RERE: variants seen among roughly 807,000 people sequenced by gnomAD.
RERE encodes arginine-glutamic acid dipeptide repeats protein.
A neutral mutation model predicts 146.1 loss-of-function variants in RERE; 40 were observed. That is an observed-to-expected ratio of 0.27 (90% CI 0.21 to 0.36). The LOEUF (loss-of-function observed/expected upper bound fraction) is 0.36. Ranked by LOEUF, RERE falls within the 10% of genes least tolerant of loss-of-function variation. The pLI, the probability that RERE is intolerant of heterozygous loss-of-function variation, is 1.00. For synonymous variants in RERE, 1,003 were observed against 866.0 expected (o/e 1.16, Z -2.78); for missense variants, 1,933 against 2,138.7 (o/e 0.90, Z 1.90).
chr1:8,641,693 T>G (rs17032724), intron 2 of RERE, among the ~76,000 whole-genome samples: 4,205 of 152,306 alleles, frequency 0.028, 176 homozygotes, highest in African/African-American at 0.095. Context: ...GCTGTCAGCT[T>G]GCTTTTACAA....
rs775442315 is a variant in RERE, at chr1:8,556,472, T to C, written c.725+3A>G. On this transcript the variant is annotated splice_donor_region_variant and intron_variant, in intron 6 of 22. Coordinates refer to ENST00000400908, the MANE Select transcript of RERE (RefSeq NM_001042681.2). ...CATGGAAGAGCACGTCTCCAGTACT[T>C]ACCTAAGGGCAGCAGCATGGTAAGT... is the stretch of plus-strand genomic sequence containing the variant. 10 of 1,567,518 alleles carry C rather than the reference T, an allele frequency of 6.4e-6. No homozygotes were observed. Among genetic ancestry groups the C allele is most frequent in the Non-Finnish European group, 8.8e-6 (10 of 1,137,754 alleles).
intron 6 of RERE, among the ~76,000 whole-genome samples, chr1:8,554,797 C>T (rs922140980): frequency 4.0e-5 from 6 of 149,790 alleles, no homozygotes; most frequent in African/African-American, 7.4e-5. Context: ...ATTAAGTCAC[C>T]GGTCCCAGCT....
intron 1 of RERE, among the ~76,000 whole-genome samples, chr1:8,791,343 T>C (rs140030794): frequency 3.9e-5 from 6 of 152,370 alleles, no homozygotes; most frequent in African/African-American, 1.4e-4. Context: ...TCAGTCTGTA[T>C]TTTAGTGGGG....
chr1:8,579,985 G>C (rs764136367), intron 4 of RERE, among the ~76,000 whole-genome samples: 2 of 152,184 alleles, frequency 1.3e-5, no homozygotes, highest in Non-Finnish European at 2.9e-5. Context: ...CTGGGAGAGA[G>C]AGAGCAAGAC....
At chr1:8,603,447 T>C (rs905360834) in intron 4 of RERE, among the ~76,000 whole-genome samples, 4 of 152,188 alleles carry the variant, frequency 2.6e-5, no homozygotes, top group Non-Finnish European at 4.4e-5. Flanking sequence ...TCCAAGAACA[T>C]GGGCCATAAG....
intron 12 of RERE, among the ~76,000 whole-genome samples, chr1:8,394,659 C>CA (rs1322817574): frequency 6.6e-6 from 1 of 152,098 alleles, no homozygotes; most frequent in African/African-American, 2.4e-5. Flanking sequence ...GAATGAGCAA[C>CA]AAAAAAGTGA....
chr1:8,733,175 A>AAG (rs980433502), intron 1 of RERE, among the ~76,000 whole-genome samples: 9 of 151,574 alleles, frequency 5.9e-5, no homozygotes, highest in African/African-American at 1.2e-4. Flanking sequence ...TTTAAAAAAA[A>AAG]AGAGAGAGAG....
Position 8,749,524 on chromosome 1 carries a change from T to A in RERE, c.-145+67636A>T, listed in dbSNP as rs540000294. Among the ~76,000 whole-genome samples, 3 of 151,470 alleles carry A rather than the reference T, an allele frequency of 2.0e-5. No homozygotes were observed. The South Asian group carries it at 6.3e-4, about 32-fold the overall frequency. On this transcript the variant is annotated intron_variant, in intron 1 of 22. Transcript: ENST00000400908. The stretch of plus-strand genomic sequence containing the variant: ...TAAGGAATAATATTGAAATGCGATC[T>A]AAATTATAAGATGAAGCAAAGAAAA...
At chr1:8,492,031 C>T (rs1432022636) in intron 10 of RERE, among the ~76,000 whole-genome samples, 1 of 152,186 alleles carries the variant, frequency 6.6e-6, no homozygotes, top group Non-Finnish European at 1.5e-5. Context: ...TAGGAAAATG[C>T]TTGCAACTGA....
chr1:8,486,769 AAAAG>A (rs1557653806), intron 10 of RERE, among the ~76,000 whole-genome samples: 5 of 147,216 alleles, frequency 3.4e-5, no homozygotes, highest in Admixed American at 1.3e-4. Flanking sequence ...AAAAAAAAAA[AAAAG>A]AAAAGAAAGA....
At chr1:8,661,756 G>T (rs181961722) in intron 1 of RERE, among the ~76,000 whole-genome samples, 263 of 152,306 alleles carry the variant, frequency 1.7e-3, no homozygotes, top group African/African-American at 6.1e-3. Flanking sequence ...ATTTGGCTTT[G>T]AATGTGTTAA....
intron 12 of RERE, among the ~76,000 whole-genome samples, chr1:8,420,196 T>C (rs758520482): frequency 1.3e-5 from 2 of 152,140 alleles, no homozygotes; most frequent in Non-Finnish European, 2.9e-5. Context: ...CCAGGCATGG[T>C]AGCGTGCACC....
chr1:8,547,817 C>T (rs540366297), intron 6 of RERE, among the ~76,000 whole-genome samples: 2 of 152,234 alleles, frequency 1.3e-5, no homozygotes, highest in African/African-American at 4.8e-5. Context: ...TGTAACAAAC[C>T]GCATAGGCAT....
At chr1:8,616,250 C>A (rs547429674) in intron 3 of RERE, among the ~76,000 whole-genome samples, 1 of 152,094 alleles carries the variant, frequency 6.6e-6, no homozygotes, top group East Asian at 1.9e-4. Context: ...TTTAAACATG[C>A]AAATAGTTCA....
Position 8,353,015 on chromosome 1 carries a change from GC to G in RERE, c.*2071del, listed in dbSNP as rs1641156026. On this transcript the variant is annotated 3_prime_UTR_variant, in exon 23 of 23. Coordinates refer to ENST00000400908, the MANE Select transcript of RERE (RefSeq NM_001042681.2). ...AAAACCAGAAGCCGAGAAGGTGGGG[GC>G]CTGGATGCAGGAGTCTGGGAGCCCA... 1 of 152,514 alleles carries G rather than the reference GC, an allele frequency of 6.6e-6. No homozygotes were observed. The highest frequency in any genetic ancestry group is 2.4e-5 in the African/African-American group (1 of 41,452). 9.4% of individuals were successfully genotyped at this position (152,514 alleles called of 1,614,324 possible).
chr1:8,615,908 T>C (rs1360051572), intron 3 of RERE, among the ~76,000 whole-genome samples: 1 of 152,262 alleles, frequency 6.6e-6, no homozygotes, highest in Admixed American at 6.5e-5. Context: ...CATCCTGGGA[T>C]CTACACTAAA....
rs202216237 is a variant in RERE, at chr1:8,675,738, T to C, written c.-144-19297A>G. Reference sequence around the variant, plus strand: ...AACTCCGACTCAAAATACATACATATATACATACATACATACATACATACA... The same window carrying C: ...AACTCCGACTCAAAATACATACATACATACATACATACATACATACATACA... On this transcript the variant is annotated intron_variant, in intron 1 of 22. Transcript: ENST00000400908. 1.4e-3 allele frequency among the ~76,000 whole-genome samples: 202 copies of C among 147,892 alleles called. 2 individuals carry two copies. The highest frequency in any genetic ancestry group is 1.5e-3 in the Admixed American group (22 of 14,820).
At chr1:8,386,519 CTTTCTGA>C (rs1642685549) in intron 12 of RERE, among the ~76,000 whole-genome samples, 1 of 110,232 alleles carries the variant, frequency 9.1e-6, no homozygotes, top group Non-Finnish European at 2.1e-5. Context: ...AGAGAGCTTC[CTTTCTGA>C]AGGCAGTGAA....
chr1:8,504,956 G>T (rs542252274), intron 8 of RERE, among the ~76,000 whole-genome samples: 2 of 152,294 alleles, frequency 1.3e-5, no homozygotes, highest in East Asian at 3.9e-4. Flanking sequence ...GCATTTTTCT[G>T]GAAGGCAGGG....
Sources: allele counts gnomAD v4.1 joint callset (sites outside exome capture counted in the v4.1 genomes callset), GRCh38; gene constraint gnomAD v4.1.1; transcripts MANE v1.5; gene names NCBI Gene and HGNC (gene_info 2026-07-23, HGNC 2026-07-21).